The following DOCK9 variants were observed in gnomAD, a reference collection of about 807,000 sequenced individuals.
The protein encoded by DOCK9 is dedicator of cytokinesis 9.
In DOCK9, 89 loss-of-function variants were observed where a neutral mutation model predicts 263.3. The ratio of observed to expected loss-of-function variants is 0.34; its 90% CI spans 0.28 to 0.40. The LOEUF (loss-of-function observed/expected upper bound fraction) is 0.40. Ranked by LOEUF, DOCK9 falls within the 10% of genes least tolerant of loss-of-function variation. DOCK9 has a pLI of 1.00. For missense variants in DOCK9, 2,140 were observed against 2,603.4 expected, an observed-to-expected ratio of 0.82 and a Z score of 3.87; for synonymous variants, 976 against 973.1, an observed-to-expected ratio of 1.00 and a Z score of -0.06.
chr13:98,825,009 A>G lies in DOCK9; in HGVS notation c.5024-505T>C, dbSNP rs9300514. Among the ~76,000 whole-genome samples, 152,304 of 152,320 alleles carry G rather than the reference A, an allele frequency of 1. 76,144 individuals are homozygous for G. The highest frequency in any genetic ancestry group is 1 in the Non-Finnish European group (68,034 of 68,034). ...CCACACAACCCAGGTGTAGCTTCGT[A>G]GCCATAATGGTGAGCAGACAGGCTG... On this transcript the variant is annotated intron_variant, in intron 44 of 52. Coordinates refer to ENST00000682017, the MANE Select transcript of DOCK9 (RefSeq NM_001366683.2). The surrounding 1 kb of genome is among the most constrained non-coding windows in gnomAD (Gnocchi z 4.1).
chr13:98,849,944 G>T, intron 36 of DOCK9, 103 bp downstream of exon 36: 1 of 796,658 alleles, frequency 1.3e-6, no homozygotes, highest in Non-Finnish European at 2.0e-6. Context: ...AAGTGAGGAT[G>T]TGACATACAC....
At chr13:99,067,999 C>A (rs2041499688) in intron 1 of DOCK9, among the ~76,000 whole-genome samples, 1 of 151,770 alleles carries the variant, frequency 6.6e-6, no homozygotes, top group Non-Finnish European at 1.5e-5. Flanking sequence ...ACAGAAAGAA[C>A]CGATCCCCAG....
At chr13:98,962,121 C>T (rs1217565795) in intron 1 of DOCK9, among the ~76,000 whole-genome samples, 1 of 152,142 alleles carries the variant, frequency 6.6e-6, no homozygotes, top group East Asian at 1.9e-4. Context: ...AAGGGAAACA[C>T]TGATCTGTTC....
In DOCK9 at chr13:98,796,149, G is replaced by A. The variant is rs1281115351; in HGVS notation, c.6156+966C>T. The A allele has an allele frequency of 2.9e-6, 4 of 1,387,996 alleles. No homozygotes were observed. The African/African-American group carries it at 4.3e-5, about 15-fold the overall frequency. 86.0% of individuals were successfully genotyped at this position (1,387,996 alleles called of 1,614,324 possible). A position where few individuals can be genotyped will look rare whatever the true frequency, so the allele number is the denominator to read the frequency against. On this transcript the variant is annotated intron_variant, in intron 52 of 52. Coordinates refer to ENST00000682017, the MANE Select transcript of DOCK9 (RefSeq NM_001366683.2). ...TCTGTAGTTGCTCAAACTCAAAAAA[G>A]TAATAGCTTTTTCTAAGTCAGATTA...
chr13:98,804,078 T>C (rs1594147918), intron 49 of DOCK9, among the ~76,000 whole-genome samples: 1 of 152,308 alleles, frequency 6.6e-6, no homozygotes, highest in East Asian at 1.9e-4. Flanking sequence ...CTTCCGCTTA[T>C]TATGATAGTG....
chr13:98,807,698 C>T lies in DOCK9; in HGVS notation c.5477G>A (p.Gly1826Asp), dbSNP rs1297046709. The T allele has an allele frequency of 1.2e-6, 2 of 1,612,062 alleles. No individual in the cohort carries two copies. The highest frequency in any genetic ancestry group is 1.7e-6 in the Non-Finnish European group (2 of 1,178,710). Residue 1826 changes from glycine to aspartate, a missense_variant, in exon 48 of 53, where the codon GGT becomes GAT. By Grantham distance (94) the Gly-to-Asp change is moderately conservative. Transcript: ENST00000682017. The part of the protein sequence containing the change: ...RLLKLYSDKF[G>D]SENVKMIQDS... The stretch of plus-strand genomic sequence containing the variant: ...CTGTATCATTTTGACATTTTCAGAA[C>T]CAAATTTATCCGAGTACAGTTTAAG...
chr13:98,992,908 A>G (rs1227490827), intron 1 of DOCK9, among the ~76,000 whole-genome samples: 1 of 152,196 alleles, frequency 6.6e-6, no homozygotes, highest in African/African-American at 2.4e-5. Context: ...AGCAGTGAAG[A>G]GAGTAAAAGG....
At chr13:99,009,031 A>G (rs1884001080) in intron 1 of DOCK9, among the ~76,000 whole-genome samples, 1 of 152,244 alleles carries the variant, frequency 6.6e-6, no homozygotes, top group Admixed American at 6.5e-5. Flanking sequence ...CAAAATGTTT[A>G]AAACAGCAGT....
intron 52 of DOCK9, 49 bp from the exon 53 acceptor site, chr13:98,794,797 A>G (rs775657930): frequency 3.1e-6 from 5 of 1,598,332 alleles, no homozygotes; most frequent in Non-Finnish European, 3.4e-6. Context: ...AGGTTACCAT[A>G]TGCAATGCCA....
intron 45 of DOCK9, among the ~76,000 whole-genome samples, chr13:98,822,082 G>A (rs758867104): frequency 2.6e-5 from 4 of 152,206 alleles, no homozygotes; most frequent in Non-Finnish European, 5.9e-5. Flanking sequence ...ATCTGGATGT[G>A]CAAGGCTTGC....
chr13:98,871,472 T>C (rs568975468), intron 27 of DOCK9, among the ~76,000 whole-genome samples: 1 of 152,308 alleles, frequency 6.6e-6, no homozygotes, highest in South Asian at 2.1e-4. Context: ...CAGTGGCAAA[T>C]AGCTGTTGTT....
rs1595714887 is a variant in DOCK9, at chr13:98,967,072, T to C, written c.126+10712A>G. On this transcript the variant is annotated intron_variant, in intron 1 of 52. Transcript: ENST00000682017. ...CTACTAGTCCATCTACTTTCGTGTA[T>C]GTTTGAGAATTTCATATTAAAACGT... 3.3e-5 allele frequency among the ~76,000 whole-genome samples: 5 copies of C among 152,400 alleles called. No individual in the cohort carries two copies. The South Asian group carries it at 1.0e-3, about 32-fold the overall frequency.
chr13:98,906,450 C>T (rs2049110619), intron 9 of DOCK9, among the ~76,000 whole-genome samples: 1 of 152,164 alleles, frequency 6.6e-6, no homozygotes, highest in South Asian at 2.1e-4. Context: ...TGCCTGGTGC[C>T]TCTAAGTCTA....
chr13:98,904,464 T>C (rs1280509470), intron 10 of DOCK9, among the ~76,000 whole-genome samples, 168 bp downstream of exon 10: 1 of 152,268 alleles, frequency 6.6e-6, no homozygotes, highest in Non-Finnish European at 1.5e-5. Context: ...AGTAATGCTA[T>C]GGTGATAAGA....
chr13:98,799,062 G>A (rs2089796835), intron 50 of DOCK9, among the ~76,000 whole-genome samples: 2 of 152,104 alleles, frequency 1.3e-5, no homozygotes, highest in Admixed American at 6.5e-5. Flanking sequence ...CACTCATGTT[G>A]CTGGAATACT....
intron 1 of DOCK9, among the ~76,000 whole-genome samples, chr13:98,971,278 T>C (rs1041962484): frequency 6.6e-6 from 1 of 152,242 alleles, no homozygotes; most frequent in Non-Finnish European, 1.5e-5. Flanking sequence ...CGTGTTTAGC[T>C]GCTACCTTTC....
At chr13:99,048,222 G>A (rs978561456) in intron 1 of DOCK9, among the ~76,000 whole-genome samples, 14 of 151,464 alleles carry the variant, frequency 9.2e-5, no homozygotes, top group African/African-American at 2.4e-4. Context: ...TGTTTCTGCC[G>A]GCTCAAAGCC....
At chr13:99,078,284 G>A (rs2041992096) in intron 1 of DOCK9, among the ~76,000 whole-genome samples, 1 of 152,114 alleles carries the variant, frequency 6.6e-6, no homozygotes, top group Non-Finnish European at 1.5e-5. Context: ...TCGGAGTGAA[G>A]GGAAACAATT....
Position 98,831,485 on chromosome 13 carries a change from G to A in DOCK9, c.4498C>T (p.Leu1500=). 6.3e-7 allele frequency: 1 copy of A among 1,592,222 alleles called. No homozygotes were observed. Among genetic ancestry groups the A allele is most frequent in the South Asian group, 1.1e-5 (1 of 87,290 alleles). ...CAGCACTTGAGAATCTCGTAACACAGAGCCGCACACATGTCCGCTCTCCCT... is the reference window on the plus strand; with the variant it reads ...CAGCACTTGAGAATCTCGTAACACAAAGCCGCACACATGTCCGCTCTCCCT... ...YEGRADMCAA[L]CYEILKCCNS... Residue 1500 remains leucine, a synonymous_variant, in exon 41 of 53, where the codon CTG becomes TTG. Coordinates refer to ENST00000682017, the MANE Select transcript of DOCK9 (RefSeq NM_001366683.2).
Sources: allele counts gnomAD v4.1 joint callset (sites outside exome capture counted in the v4.1 genomes callset), GRCh38; gene constraint gnomAD v4.1.1; non-coding constraint Gnocchi (gnomAD v3.1); transcripts MANE v1.5; gene names NCBI Gene and HGNC (gene_info 2026-07-23, HGNC 2026-07-21).